Variants in KCNH7 observed in about 807,000 individuals in gnomAD.
KCNH7 encodes the protein potassium voltage-gated channel subfamily H member 7, also known as voltage-gated inwardly rectifying potassium channel KCNH7.
In KCNH7, 49 loss-of-function variants were observed where a neutral mutation model predicts 120.8. That is an observed-to-expected ratio of 0.41 (90% CI 0.32 to 0.51). The LOEUF is 0.51. Among genes scored for constraint, KCNH7 ranks in the 20% least tolerant of loss-of-function variants. The probability of loss-of-function intolerance (pLI) is 0.38; values close to 1 mark genes in which losing one functional copy is unlikely to be tolerated. For missense variants in KCNH7, 1,097 were observed against 1,446.6 expected (o/e 0.76, Z 3.92); for synonymous variants, 547 against 516.1 (o/e 1.06, Z -0.81).
chr2:162,590,092 T>C (rs1405527335), intron 2 of KCNH7, among the ~76,000 whole-genome samples: 2 of 152,068 alleles, frequency 1.3e-5, no homozygotes, highest in Non-Finnish European at 2.9e-5. Flanking sequence ...TAACTCTGGG[T>C]GCAAGTCGGG....
At chr2:162,633,628 C>A (rs1243753140) in intron 2 of KCNH7, among the ~76,000 whole-genome samples, 1 of 151,636 alleles carries the variant, frequency 6.6e-6, no homozygotes, top group South Asian at 2.1e-4. Context: ...GGAATACAGC[C>A]CAAATAGAAA....
intron 2 of KCNH7, among the ~76,000 whole-genome samples, chr2:162,651,040 A>G (rs1684547512): frequency 6.6e-6 from 1 of 152,134 alleles, no homozygotes; most frequent in Admixed American, 6.5e-5. Context: ...GTAAAGGAGG[A>G]CTGCTAAGTT....
At chr2:162,770,052 C>T (rs1362186213) in intron 2 of KCNH7, among the ~76,000 whole-genome samples, 1 of 151,982 alleles carries the variant, frequency 6.6e-6, no homozygotes, top group Non-Finnish European at 1.5e-5. Context: ...TTTTTAGTAA[C>T]ATTAATGAAA....
At chr2:162,738,397 A>T (rs1026240062) in intron 2 of KCNH7, among the ~76,000 whole-genome samples, 2 of 152,160 alleles carry the variant, frequency 1.3e-5, no homozygotes, top group African/African-American at 4.8e-5. Context: ...CATAGCCCTT[A>T]TACATTAAGA....
At chr2:162,586,387 C>T (rs973344698) in intron 2 of KCNH7, among the ~76,000 whole-genome samples, 6 of 152,006 alleles carry the variant, frequency 3.9e-5, no homozygotes, top group African/African-American at 1.2e-4. Context: ...GGGAGAAAGG[C>T]CCAGGCTCCC....
chr2:162,638,279 A>G (rs1684031937), intron 2 of KCNH7, among the ~76,000 whole-genome samples: 1 of 152,050 alleles, frequency 6.6e-6, no homozygotes, highest in African/African-American at 2.4e-5. Context: ...TGCCCTTGGG[A>G]AAGGATTTTT....
chr2:162,497,769 C>T (rs1690543952), intron 6 of KCNH7, among the ~76,000 whole-genome samples: 1 of 152,154 alleles, frequency 6.6e-6, no homozygotes, highest in African/African-American at 2.4e-5. Flanking sequence ...TCTCACAGTG[C>T]TGTCATACAG....
At chr2:162,468,073 TGTC>T (rs1689366138) in intron 6 of KCNH7, among the ~76,000 whole-genome samples, 1 of 152,326 alleles carries the variant, frequency 6.6e-6, no homozygotes, top group East Asian at 1.9e-4. Context: ...GAACTGACTC[TGTC>T]AGAGTGTTCA....
At chr2:162,757,403 C>T (rs895200697) in intron 2 of KCNH7, among the ~76,000 whole-genome samples, 2 of 152,078 alleles carry the variant, frequency 1.3e-5, no homozygotes, top group African/African-American at 4.8e-5. Context: ...GAATTTTTCC[C>T]TTTTCAAAAT....
intron 2 of KCNH7, among the ~76,000 whole-genome samples, chr2:162,672,843 A>G (rs1685404828): frequency 6.6e-6 from 1 of 152,156 alleles, no homozygotes; most frequent in South Asian, 2.1e-4. Flanking sequence ...AGAATAAAAG[A>G]ACACACCAAT....
chr2:162,484,144 T>C (rs1020100073), intron 6 of KCNH7, among the ~76,000 whole-genome samples: 4 of 152,048 alleles, frequency 2.6e-5, no homozygotes, highest in African/African-American at 9.7e-5. Flanking sequence ...AGTTTTGATA[T>C]TGGGAAGCTC....
At chr2:162,535,513 A>G (rs953411237) in intron 3 of KCNH7, among the ~76,000 whole-genome samples, 8 of 151,730 alleles carry the variant, frequency 5.3e-5, no homozygotes, top group Admixed American at 4.6e-4. Flanking sequence ...AGTGAGGAAA[A>G]TTTTAAGACA....
intron 2 of KCNH7, among the ~76,000 whole-genome samples, chr2:162,655,891 C>G (rs1203434474): frequency 1.3e-5 from 2 of 152,126 alleles, no homozygotes; most frequent in African/African-American, 4.8e-5. Flanking sequence ...CTCAAAAATA[C>G]TTGTCTTTAA....
intron 2 of KCNH7, among the ~76,000 whole-genome samples, chr2:162,810,153 G>GATCC (rs1283284597): frequency 4.9e-5 from 1 of 20,522 alleles, no homozygotes; most frequent in Non-Finnish European, 1.4e-4. Flanking sequence ...CTGACCTCGT[G>GATCC]ATCCGCCCGC....
chr2:162,563,002 A>G (rs573170040), intron 2 of KCNH7, among the ~76,000 whole-genome samples: 2 of 152,266 alleles, frequency 1.3e-5, no homozygotes, highest in Admixed American at 1.3e-4. Context: ...TCTTCAAACC[A>G]TCTCTTAGCT....
chr2:162,435,888 T>C (rs1688219339), intron 7 of KCNH7, among the ~76,000 whole-genome samples: 1 of 152,106 alleles, frequency 6.6e-6, no homozygotes, highest in Non-Finnish European at 1.5e-5. Flanking sequence ...CAGTGACTCA[T>C]TCATTCACCA....
intron 2 of KCNH7, among the ~76,000 whole-genome samples, chr2:162,700,980 T>A (rs1400431823): frequency 6.6e-6 from 1 of 152,188 alleles, no homozygotes; most frequent in African/African-American, 2.4e-5. Flanking sequence ...TTGCCCTATA[T>A]GCCAGGGCAC....
chr2:162,702,093 G>A (rs370583170), intron 2 of KCNH7, among the ~76,000 whole-genome samples: 14 of 152,024 alleles, frequency 9.2e-5, no homozygotes, highest in African/African-American at 3.1e-4. Flanking sequence ...ATTTTCTAGA[G>A]GGAAATGCAT....
intron 4 of KCNH7, among the ~76,000 whole-genome samples, chr2:162,517,022 T>TA (rs1280954889): frequency 1.3e-5 from 2 of 151,746 alleles, no homozygotes; most frequent in Non-Finnish European, 2.9e-5. Context: ...TCAGACACAG[T>TA]AAGTACTTAA....
Sources: gnomAD v4.1 joint callset for allele counts (sites outside exome capture counted in the v4.1 genomes callset) on GRCh38, gnomAD v4.1.1 for gene constraint, MANE v1.5 for transcripts, NCBI Gene and HGNC (gene_info 2026-07-23, HGNC 2026-07-21) for gene names.